The following EXO1 variants were observed in gnomAD, a reference collection of about 807,000 sequenced individuals.
The protein encoded by EXO1 is exonuclease 1.
In EXO1, 69 loss-of-function variants were observed where a neutral mutation model predicts 84.5. That is an observed-to-expected ratio of 0.82 (90% CI 0.67 to 1.00). The LOEUF (loss-of-function observed/expected upper bound fraction) is 1.00, where lower values mean the gene tolerates loss of function less well. Among genes scored for constraint, EXO1 ranks in the 50% least tolerant of loss-of-function variants. EXO1 has a pLI of 0.00. For synonymous variants in EXO1, 373 were observed against 366.1 expected (o/e 1.02, Z -0.21); for missense variants, 1,045 against 1,000.7 (o/e 1.04, Z -0.60).
intron 8 of EXO1, 125 bp downstream of exon 8, chr1:241,858,843 C>A: frequency 2.7e-6 from 2 of 753,670 alleles, no homozygotes; most frequent in Non-Finnish European, 2.3e-6. Flanking sequence ...TTAAAAGGAG[C>A]AAATGACTGA....
chr1:241,883,859 G>A (rs1001953631), intron 14 of EXO1, among the ~76,000 whole-genome samples: 1 of 152,164 alleles, frequency 6.6e-6, no homozygotes, highest in African/African-American at 2.4e-5. Context: ...TAGAACTGGA[G>A]ATGTAGAAAG....
At chr1:241,864,465 T>G (rs1014730753) in intron 10 of EXO1, among the ~76,000 whole-genome samples, 1 of 152,234 alleles carries the variant, frequency 6.6e-6, no homozygotes, top group African/African-American at 2.4e-5. Flanking sequence ...TGTTACTCTT[T>G]GTGGGTTTCA....
intron 11 of EXO1, among the ~76,000 whole-genome samples, chr1:241,868,356 C>T (rs1353443807): frequency 7.7e-6 from 1 of 130,142 alleles, no homozygotes; most frequent in Non-Finnish European, 1.6e-5. Flanking sequence ...GCCTGGGCGC[C>T]AGAGAAAGAA....
chr1:241,869,407 G>A lies in EXO1; in HGVS notation c.1267+2352G>A, dbSNP rs150054739. Among the ~76,000 whole-genome samples, 122 of 152,294 alleles carry A rather than the reference G, an allele frequency of 8.0e-4. 1 individual carries two copies. The highest frequency in any genetic ancestry group is 2.5e-3 in the African/African-American group (103 of 41,562). ...TGGGAATTTTTTCACCATAGAGGAT[G>A]TTTAAAATGAAAAGAATGATTATAA... On this transcript the variant is annotated intron_variant, in intron 11 of 15. Transcript: ENST00000366548.
At chr1:241,881,219 G>T (rs1662731028) in intron 13 of EXO1, among the ~76,000 whole-genome samples, 1 of 152,020 alleles carries the variant, frequency 6.6e-6, no homozygotes, top group Non-Finnish European at 1.5e-5. Flanking sequence ...GTAGAGACAG[G>T]ATTTCACCAT....
chr1:241,878,548 AATTCT>A (rs1356599497), intron 12 of EXO1, among the ~76,000 whole-genome samples, 196 bp from the exon 13 acceptor site: 1 of 152,074 alleles, frequency 6.6e-6, no homozygotes, highest in East Asian at 1.9e-4. Context: ...GTATAAATAG[AATTCT>A]AAATGTGTGA....
In EXO1 at chr1:241,885,413, G is replaced by A. The variant is rs757944558; in HGVS notation, c.2311G>A (p.Ala771Thr). The change falls in exon 15 of 16, where the codon GCA becomes ACA. Residue 771 changes from alanine (A) to threonine (T), a missense_variant. Transcript: ENST00000366548. Reference protein sequence around the residue: ...ARASGLSKKPASIQKRKHHNA... With the variant: ...ARASGLSKKPTSIQKRKHHNA... ...AGCCAGTGGGCTGAGCAAGAAGCCG[G>A]CAAGCATCCAGAAGAGAAAGCATCA... The A allele has an allele frequency of 3.7e-6, 6 of 1,613,678 alleles. No homozygotes were observed. In the Admixed American group the frequency reaches 1.0e-4, roughly 27 times the overall value.
chr1:241,866,072 T>C (rs1661702645), intron 10 of EXO1, among the ~76,000 whole-genome samples: 1 of 152,246 alleles, frequency 6.6e-6, no homozygotes. Flanking sequence ...GACATCCTCT[T>C]AGCAGATCAT....
chr1:241,868,676 A>C (rs1253122112), intron 11 of EXO1, among the ~76,000 whole-genome samples: 1 of 152,198 alleles, frequency 6.6e-6, no homozygotes, highest in Admixed American at 6.5e-5. Flanking sequence ...TCAAATAAAA[A>C]GTAAAAAGTC....
At chr1:241,870,101 C>T (rs962299043) in intron 11 of EXO1, among the ~76,000 whole-genome samples, 4 of 152,148 alleles carry the variant, frequency 2.6e-5, no homozygotes, top group African/African-American at 7.2e-5. Flanking sequence ...TGAGCCACTG[C>T]GCCTGGCCTG....
intron 10 of EXO1, among the ~76,000 whole-genome samples, chr1:241,865,937 A>C (rs1271087024): frequency 6.6e-6 from 1 of 152,070 alleles, no homozygotes; most frequent in Non-Finnish European, 1.5e-5. Context: ...TCCTTTCTTT[A>C]AGTGAAAGGC....
intron 15 of EXO1, among the ~76,000 whole-genome samples, chr1:241,888,282 G>C (rs1663179130): frequency 6.6e-6 from 1 of 152,164 alleles, no homozygotes; most frequent in South Asian, 2.1e-4. Flanking sequence ...CCAAAGGGTT[G>C]AGATTTAATA....
chr1:241,860,465 T>C lies in EXO1; in HGVS notation c.757-52T>C, dbSNP rs140646298. 3.2e-4 allele frequency: 423 copies of C among 1,330,174 alleles called. 1 individual carries two copies. In the East Asian group the frequency reaches 8.9e-3, roughly 28 times the overall value. The allele number at this position is 1,330,174 out of a possible 1,614,324, so 82.4% of individuals were successfully genotyped here. The stretch of plus-strand genomic sequence containing the variant: ...GTAAATCAATCAGCCTTGAGGATAA[T>C]ATGTTCCCTGTTCTTTAGTTGCAGA... On this transcript the variant is annotated intron_variant, in intron 8 of 15. Transcript: ENST00000366548.
chr1:241,864,908 G>T (rs1421493945), intron 10 of EXO1, among the ~76,000 whole-genome samples: 3 of 149,766 alleles, frequency 2.0e-5, no homozygotes, highest in Admixed American at 2.0e-4. Flanking sequence ...TTGAGACAGG[G>T]TCTCTTTCTC....
rs1327728016 is a variant in EXO1, at chr1:241,853,372, A to G, written c.296A>G (p.Asn99Ser). The G allele has an allele frequency of 3.2e-5, 51 of 1,613,856 alleles. No individual in the cohort carries two copies. In the Middle Eastern group the frequency reaches 4.9e-4, roughly 16 times the overall value. The change falls in exon 6 of 16, where the codon AAT becomes AGT. Residue 99 changes from asparagine to serine, a missense_variant. Physicochemically the swap from Asn to Ser is conservative, Grantham distance 46. Coordinates refer to ENST00000366548, the MANE Select transcript of EXO1 (RefSeq NM_130398.4). The stretch of plus-strand genomic sequence containing the variant: ...TTCCCTTGCAGAAGACGACAAGCCA[A>G]TCTTCTTAAGGGAAAGCAACTTCTT... ...ERSRRERRQANLLKGKQLLRE... is the reference protein window; with the variant it reads ...ERSRRERRQASLLKGKQLLRE...
chr1:241,852,921 T>C (rs776856739), intron 5 of EXO1, among the ~76,000 whole-genome samples: 5 of 152,100 alleles, frequency 3.3e-5, no homozygotes, highest in African/African-American at 4.8e-5. Context: ...CCTCCTAAAG[T>C]GCTGGAATTA....
At chr1:241,878,335 C>T (rs1662518763) in intron 12 of EXO1, among the ~76,000 whole-genome samples, 2 of 152,060 alleles carry the variant, frequency 1.3e-5, no homozygotes, top group Admixed American at 6.5e-5. Context: ...CCCGTCTCTA[C>T]TAAAAATACA....
intron 11 of EXO1, among the ~76,000 whole-genome samples, chr1:241,868,210 A>G (rs1276688518): frequency 6.6e-6 from 1 of 151,914 alleles, no homozygotes; most frequent in Non-Finnish European, 1.5e-5. Flanking sequence ...CCCCATCTCT[A>G]TTAAAAATAC....
At chr1:241,886,330 C>T (rs1663068266) in intron 15 of EXO1, among the ~76,000 whole-genome samples, 1 of 152,152 alleles carries the variant, frequency 6.6e-6, no homozygotes, top group Admixed American at 6.5e-5. Flanking sequence ...TTTTTGTTAA[C>T]CATAATACTT....
Sources: gnomAD v4.1 joint callset for allele counts (sites outside exome capture counted in the v4.1 genomes callset) on GRCh38, gnomAD v4.1.1 for gene constraint, MANE v1.5 for transcripts, NCBI Gene and HGNC (gene_info 2026-07-23, HGNC 2026-07-21) for gene names.